The following ITPA variants were observed in gnomAD, a reference collection of about 807,000 sequenced individuals.
The protein encoded by ITPA is inosine triphosphate pyrophosphatase.
A neutral mutation model predicts 29.6 loss-of-function variants in ITPA; 29 were observed. The observed-to-expected ratio is 0.98, with a 90% CI of 0.73 to 1.34. ITPA has a LOEUF of 1.34. Among genes scored for constraint, ITPA ranks in the 40% most tolerant of loss-of-function variants. ITPA has a pLI of 0.00. For synonymous variants in ITPA, 103 were observed against 99.3 expected (o/e 1.04, Z -0.22); for missense variants, 241 against 251.5 (o/e 0.96, Z 0.28).
At chr20:3,222,702 C>T (rs2067496433) in intron 7 of ITPA, among the ~76,000 whole-genome samples, 1 of 152,160 alleles carries the variant, frequency 6.6e-6, no homozygotes, top group South Asian at 2.1e-4. Flanking sequence ...GCTGGAGGGG[C>T]CCTTAGGGAG....
downstream of ITPA, among the ~76,000 whole-genome samples, chr20:3,225,285 C>A (rs1487949916): frequency 1.3e-5 from 2 of 152,086 alleles, no homozygotes; most frequent in African/African-American, 4.8e-5. Flanking sequence ...ACACTGATGT[C>A]TTTTTGTGTG....
downstream of ITPA, among the ~76,000 whole-genome samples, chr20:3,225,151 C>T (rs62208066): frequency 6.6e-6 from 1 of 152,090 alleles, no homozygotes; most frequent in South Asian, 2.1e-4. Context: ...TGCAGTGAGC[C>T]GTGATTGCGC....
chr20:3,209,325 T>G (rs2122270321), upstream of ITPA: 2 of 615,682 alleles, frequency 3.2e-6, no homozygotes, highest in Non-Finnish European at 2.9e-6. The surrounding 1 kb of genome is among the most constrained non-coding windows in gnomAD (Gnocchi z 4.6). Flanking sequence ...GCAGGAGGGG[T>G]GGGTCACTCA....
intron 3 of ITPA, 33 bp from the exon 4 acceptor site, chr20:3,213,952 T>C (rs1285948565): frequency 5.0e-6 from 8 of 1,611,806 alleles, no homozygotes; most frequent in Non-Finnish European, 6.8e-6. Context: ...ATGGTGATCA[T>C]GGGTCTCAGG....
In ITPA at chr20:3,223,608, G is replaced by T; in HGVS notation, c.*146G>T. ...TCGAGTAGCCTCACCGGCCTGTCTG[G>T]AGGAGCAGCTGGCTCTGCTCTGAGA... On this transcript the variant is annotated 3_prime_UTR_variant, in exon 8 of 8. Transcript: ENST00000380113. 2 of 682,338 alleles carry T rather than the reference G, an allele frequency of 2.9e-6. No homozygotes were observed. The highest frequency in any genetic ancestry group is 3.2e-5 in the South Asian group (2 of 61,706). 42.3% of individuals were successfully genotyped at this position (682,338 alleles called of 1,614,324 possible). A position where few individuals can be genotyped will look rare whatever the true frequency, so the allele number is the denominator to read the frequency against.
intron 3 of ITPA, 186 bp downstream of exon 3, chr20:3,213,569 G>A: frequency 2.8e-6 from 2 of 703,572 alleles, no homozygotes; most frequent in East Asian, 5.4e-5. Flanking sequence ...TGAATACATG[G>A]TATCTCCCCC....
chr20:3,218,535 C>A lies in ITPA; in HGVS notation c.314C>A (p.Ala105Asp). Residue 105 changes from alanine to aspartate, a missense_variant, in exon 6 of 8, where the codon GCC becomes GAC. Ala to Asp is a moderately radical substitution (Grantham distance 126, BLOSUM62 -2). Coordinates refer to ENST00000380113, the MANE Select transcript of ITPA (RefSeq NM_033453.4). ...LKPEGLHQLL[A>D]GFEDKSAYAL... ...CCCGCAGGTCTCCACCAGCTCCTGG[C>A]CGGGTTCGAGGACAAGTCAGCCTAT... is the stretch of plus-strand genomic sequence containing the variant. The A allele has an allele frequency of 1.9e-6, 3 of 1,613,834 alleles. No individual in the cohort carries two copies. The highest frequency in any genetic ancestry group is 2.5e-6 in the Non-Finnish European group (3 of 1,179,938).
chr20:3,206,720 A>G (rs911978294), upstream of ITPA, among the ~76,000 whole-genome samples: 1 of 151,682 alleles, frequency 6.6e-6, no homozygotes, highest in African/African-American at 2.4e-5. Context: ...AGTCCCAGCT[A>G]CTTGGGAGGC....
chr20:3,223,642 C>G lies in ITPA; in HGVS notation c.*180C>G. On this transcript the variant is annotated 3_prime_UTR_variant, in exon 8 of 8. Transcript: ENST00000380113. ...CTGGCTCTGCTCTGAGAAACTCTGG[C>G]AAGTGGACGCCATTCTCTTGCCCTT... 1 of 629,976 alleles carries G rather than the reference C, an allele frequency of 1.6e-6. No individual in the cohort carries two copies. The highest frequency in any genetic ancestry group is 2.9e-6 in the Non-Finnish European group (1 of 348,972). 39.0% of individuals were successfully genotyped at this position (629,976 alleles called of 1,614,324 possible). A position where few individuals can be genotyped will look rare whatever the true frequency, so the allele number is the denominator to read the frequency against.
chr20:3,226,894 C>T (rs2067559452), downstream of ITPA, among the ~76,000 whole-genome samples: 1 of 152,176 alleles, frequency 6.6e-6, no homozygotes, highest in South Asian at 2.1e-4. The surrounding 1 kb of genome is among the most constrained non-coding windows in gnomAD (Gnocchi z 4.4). Context: ...AGAAACACTG[C>T]ACCTTCTCCC....
rs772126824 is a variant in ITPA, at chr20:3,213,982, C to A, written c.190-3C>A. The A allele has an allele frequency of 1.9e-5, 31 of 1,614,016 alleles. No individual in the cohort carries two copies. The highest frequency in any genetic ancestry group is 2.5e-5 in the Non-Finnish European group (29 of 1,179,998). On this transcript the variant is annotated splice_polypyrimidine_tract_variant and splice_region_variant and intron_variant, in intron 3 of 7. Transcript: ENST00000380113. ...CTCAGGGCTGTATGTCTTTGTGCTG[C>A]AGGTACAGGGGCCCGTGCTGGTTGA...
chr20:3,214,131 C>A, intron 4 of ITPA, 73 bp downstream of exon 4: 1 of 1,266,696 alleles, frequency 7.9e-7, no homozygotes, highest in Non-Finnish European at 1.2e-6. Flanking sequence ...GATGAGGTAC[C>A]TGATACTGCA....
chr20:3,209,756 G>A lies in ITPA; in HGVS notation c.66+139G>A, dbSNP rs781621698. Reference sequence around the variant, plus strand: ...GCCCGGAAGAATGGGTCCTGACCCGGCTGTGTGGAAAAGCTGGGGCGCAAG... The same window carrying A: ...GCCCGGAAGAATGGGTCCTGACCCGACTGTGTGGAAAAGCTGGGGCGCAAG... On this transcript the variant is annotated intron_variant, in intron 1 of 7. Transcript: ENST00000380113. The surrounding 1 kb of genome is among the most constrained non-coding windows in gnomAD (Gnocchi z 4.6). The A allele has an allele frequency of 8.2e-5, 59 of 717,204 alleles. No homozygotes were observed. Among genetic ancestry groups the A allele is most frequent in the Non-Finnish European group, 1.2e-4 (52 of 435,112 alleles). The allele number at this position is 717,204 out of a possible 1,614,324, so 44.4% of individuals were successfully genotyped here.
chr20:3,215,887 T>C (rs547061094), intron 5 of ITPA, among the ~76,000 whole-genome samples: 1 of 152,160 alleles, frequency 6.6e-6, no homozygotes, highest in East Asian at 1.9e-4. Flanking sequence ...GGTTTCACCA[T>C]GTTGGCCAGG....
rs758704128 is a variant in ITPA, at chr20:3,209,609, C to A, written c.58C>A (p.Leu20Met). The change falls in exon 1 of 8, where the codon CTG becomes ATG. Residue 20 changes from leucine to methionine, a missense_variant. Transcript: ENST00000380113. The surrounding 1 kb of genome is among the most constrained non-coding windows in gnomAD (Gnocchi z 4.6). ...IVFVTGNAKK[L>M]EEVVQILGDK... is the part of the protein sequence containing the mutation. ...GTTTGTAACGGGGAACGCCAAGAAG[C>A]TGGAGGAGGTGCCGGGAGGGTGTTG... 41 of 1,613,858 alleles carry A rather than the reference C, an allele frequency of 2.5e-5. No homozygotes were observed. The highest frequency in any genetic ancestry group is 3.3e-5 in the Non-Finnish European group (39 of 1,179,944).
upstream of ITPA, chr20:3,209,216 C>T (rs1005280896): frequency 2.4e-6 from 1 of 409,744 alleles, no homozygotes; most frequent in African/African-American, 2.1e-5. This position sits in a 1 kb window ranked among gnomAD's most constrained non-coding sequence, Gnocchi z 4.6. Context: ...GGGCTGCAGT[C>T]TTCTCCTTTC....
At chr20:3,216,785 G>T (rs7270134) in intron 5 of ITPA, among the ~76,000 whole-genome samples, 1 of 151,380 alleles carries the variant, frequency 6.6e-6, no homozygotes, top group Non-Finnish European at 1.5e-5. Flanking sequence ...ACGGAGTTTC[G>T]CCATGTTGGC....
At chr20:3,222,603 C>A (rs1600538730) in intron 7 of ITPA, among the ~76,000 whole-genome samples, 1 of 152,136 alleles carries the variant, frequency 6.6e-6, no homozygotes, top group East Asian at 1.9e-4. Context: ...TATTTTATGC[C>A]CTCCAAGTAC....
intron 4 of ITPA, 137 bp from the exon 5 acceptor site, chr20:3,215,144 G>A (rs1429049532): frequency 1.2e-6 from 1 of 815,158 alleles, no homozygotes; most frequent in Non-Finnish European, 2.1e-6. Context: ...TGGGATTATA[G>A]GCGGGACCCA....
Sources: allele counts gnomAD v4.1 joint callset (sites outside exome capture counted in the v4.1 genomes callset), GRCh38; gene constraint gnomAD v4.1.1; non-coding constraint Gnocchi (gnomAD v3.1); transcripts MANE v1.5; gene names NCBI Gene and HGNC (gene_info 2026-07-23, HGNC 2026-07-21).